ASXL2: variants seen among roughly 807,000 people sequenced by gnomAD.
The protein encoded by ASXL2 is putative Polycomb group protein ASXL2.
A neutral mutation model predicts 122.0 loss-of-function variants in ASXL2; 23 were observed. That is an observed-to-expected ratio of 0.19 (90% CI 0.14 to 0.27). The LOEUF is 0.27. Among genes scored for constraint, ASXL2 ranks in the 10% least tolerant of loss-of-function variants. The pLI is 1.00. For missense variants in ASXL2, 1,518 were observed against 1,713.8 expected (o/e 0.89, Z 2.02); for synonymous variants, 650 against 637.0 (o/e 1.02, Z -0.31).
At chr2:25,792,911 A>T (rs932559223) in intron 5 of ASXL2, among the ~76,000 whole-genome samples, 6 of 148,984 alleles carry the variant, frequency 4.0e-5, no homozygotes, top group Admixed American at 6.7e-5. Context: ...CGGCTGATAA[A>T]TTTTTTTTTT....
chr2:25,772,729 C>CAAA (rs70950119), intron 5 of ASXL2, among the ~76,000 whole-genome samples: 7 of 58,938 alleles, frequency 1.2e-4, no homozygotes, highest in Non-Finnish European at 1.8e-4. Context: ...AACTTGGTCT[C>CAAA]AAAAAAAAAA....
At position 25,834,079 on chromosome 2, in the gene ASXL2, G is replaced by A. The variant is rs574556637; in HGVS notation, c.143+1459C>T. 5.3e-5 allele frequency among the ~76,000 whole-genome samples: 8 copies of A among 152,102 alleles called. No individual in the cohort carries two copies. In the South Asian group the frequency reaches 1.0e-3, roughly 20 times the overall value. On this transcript the variant is annotated intron_variant, in intron 3 of 12. Transcript: ENST00000435504. Reference sequence around the variant, plus strand: ...TAAAGAACCCAATCAATGACCAGGCGCAGTGGCTCACGCTTGTAATCCCAG... The same window carrying A: ...TAAAGAACCCAATCAATGACCAGGCACAGTGGCTCACGCTTGTAATCCCAG...
chr2:25,840,580 C>T (rs780099065), intron 2 of ASXL2, among the ~76,000 whole-genome samples: 15 of 152,208 alleles, frequency 9.9e-5, no homozygotes, highest in Non-Finnish European at 2.2e-4. Flanking sequence ...TCTCTATGAA[C>T]TTACCTATTT....
chr2:25,786,120 GA>G (rs1178839639), intron 5 of ASXL2, among the ~76,000 whole-genome samples: 2 of 151,906 alleles, frequency 1.3e-5, no homozygotes, highest in Non-Finnish European at 2.9e-5. Context: ...GTACATGAAG[GA>G]AAAGCAACTG....
intron 3 of ASXL2, among the ~76,000 whole-genome samples, chr2:25,820,749 G>C (rs2089298299): frequency 6.6e-6 from 1 of 152,332 alleles, no homozygotes; most frequent in East Asian, 1.9e-4. Context: ...TTCTGGCCTG[G>C]TGTGGTGACT....
At chr2:25,793,435 C>A (rs1362821287) in intron 5 of ASXL2, among the ~76,000 whole-genome samples, 1 of 151,978 alleles carries the variant, frequency 6.6e-6, no homozygotes, top group Non-Finnish European at 1.5e-5. Flanking sequence ...CGAACAAGGT[C>A]AAAAAGATAC....
intron 5 of ASXL2, among the ~76,000 whole-genome samples, chr2:25,787,023 C>T (rs2088759121): frequency 6.7e-6 from 1 of 150,064 alleles, no homozygotes; most frequent in Non-Finnish European, 1.5e-5. Flanking sequence ...TCATAAATTA[C>T]ATATTTGTAT....
chr2:25,863,034 C>G (rs1489904767), intron 1 of ASXL2, among the ~76,000 whole-genome samples: 1 of 152,106 alleles, frequency 6.6e-6, no homozygotes, highest in Non-Finnish European at 1.5e-5. Flanking sequence ...AAAATGCAAA[C>G]TAAAGCAGCT....
In ASXL2 at chr2:25,814,770, T is replaced by G. The variant is rs187739262; in HGVS notation, c.144-8433A>C. Among the ~76,000 whole-genome samples the G allele has an allele frequency of 2.3e-3, 350 of 152,286 alleles. 2 individuals carry two copies. Among genetic ancestry groups the G allele is most frequent in the South Asian group, 0.012 (60 of 4,826 alleles). On this transcript the variant is annotated intron_variant, in intron 3 of 12. Transcript: ENST00000435504. ...GCTAGTAGGGCTAAGAGAGCAGAAG[T>G]CAATCATTGTACTGCTTAGATAAAG...
rs149480367 is a variant in ASXL2 at position 25,776,980 on chromosome 2, C to T, written c.404-5440G>A. Among the ~76,000 whole-genome samples the T allele has an allele frequency of 3.4e-3, 524 of 152,274 alleles. 1 individual carries two copies. The highest frequency in any genetic ancestry group is 5.3e-3 in the Non-Finnish European group (361 of 68,020). ...AACCACAGCATTTAACTAAGCCAAC[C>T]AAAATAAATCATGAAAATTACAGGA... On this transcript the variant is annotated intron_variant, in intron 5 of 12. Transcript: ENST00000435504.
intron 5 of ASXL2, among the ~76,000 whole-genome samples, chr2:25,794,364 A>G (rs150841706): frequency 1.2e-4 from 18 of 152,332 alleles, no homozygotes; most frequent in Non-Finnish European, 1.8e-4. Flanking sequence ...ATAATGCAAT[A>G]TTTTATTTTG....
chr2:25,783,851 C>G (rs903295625), intron 5 of ASXL2, among the ~76,000 whole-genome samples: 1 of 151,274 alleles, frequency 6.6e-6, no homozygotes, highest in Admixed American at 6.6e-5. Context: ...GTCAAGAGTT[C>G]AAGACCAGCC....
chr2:25,806,051 T>C (rs1268288771), intron 4 of ASXL2, among the ~76,000 whole-genome samples, 178 bp downstream of exon 4: 2 of 152,224 alleles, frequency 1.3e-5, no homozygotes, highest in African/African-American at 2.4e-5. Flanking sequence ...TTCTCTGATC[T>C]ACCTATAGTT....
Position 25,735,939 on chromosome 2 carries a change from G to T in ASXL2, c.*6090C>A, listed in dbSNP as rs552316898. On this transcript the variant is annotated 3_prime_UTR_variant, in exon 13 of 13. Transcript: ENST00000435504. ...AATTTTCAACCTATCTTGGGAAAAA[G>T]GTAGTATTACTCCTTGAGCCTAGAA... 1 of 152,228 alleles carries T rather than the reference G, an allele frequency of 6.6e-6. No homozygotes were observed. Among genetic ancestry groups the T allele is most frequent in the South Asian group, 2.1e-4 (1 of 4,826 alleles). The allele number at this position is 152,228 out of a possible 1,614,324, so 9.4% of individuals were successfully genotyped here.
chr2:25,806,699 TA>T (rs2089087813), intron 3 of ASXL2, among the ~76,000 whole-genome samples: 1 of 152,134 alleles, frequency 6.6e-6, no homozygotes, highest in Admixed American at 6.6e-5. Context: ...CAGATTCAAA[TA>T]AACAGTAATA....
chr2:25,758,677 TTTG>T (rs1481569206), intron 9 of ASXL2, among the ~76,000 whole-genome samples: 10 of 138,730 alleles, frequency 7.2e-5, no homozygotes, highest in African/African-American at 2.5e-4. Context: ...TTTTGCTACT[TTTG>T]TTTTTTTTTT....
chr2:25,850,160 T>C (rs1338247134), intron 1 of ASXL2, among the ~76,000 whole-genome samples: 1 of 149,822 alleles, frequency 6.7e-6, no homozygotes, highest in African/African-American at 2.5e-5. Flanking sequence ...TATTGTAGTA[T>C]ATATCTCTGA....
chr2:25,748,157 G>T (rs975461014), intron 12 of ASXL2, among the ~76,000 whole-genome samples: 1 of 145,386 alleles, frequency 6.9e-6, no homozygotes, highest in Non-Finnish European at 1.5e-5. Flanking sequence ...CAGCCTGGAC[G>T]ACAGTGCAAG....
intron 3 of ASXL2, among the ~76,000 whole-genome samples, chr2:25,812,269 G>A (rs1003825159): frequency 6.6e-6 from 1 of 151,524 alleles, no homozygotes; most frequent in African/African-American, 2.4e-5. Context: ...GACCAGCCTG[G>A]CCAACATGGT....
Sources: allele counts gnomAD v4.1 joint callset (sites outside exome capture counted in the v4.1 genomes callset), GRCh38; gene constraint gnomAD v4.1.1; transcripts MANE v1.5; gene names NCBI Gene and HGNC (gene_info 2026-07-23, HGNC 2026-07-21).